FYCO1: variants seen among roughly 807,000 people sequenced by gnomAD.
FYCO1 encodes the protein FYVE and coiled-coil domain-containing protein 1.
In FYCO1, 122 loss-of-function variants were observed where a neutral mutation model predicts 165.1. The ratio of observed to expected loss-of-function variants is 0.74; its 90% confidence interval spans 0.64 to 0.86. FYCO1 has a LOEUF of 0.86. Ranked by LOEUF, FYCO1 falls within the 40% of genes least tolerant of loss-of-function variation. FYCO1 has a pLI of 0.00. For missense variants in FYCO1, 1,702 were observed against 1,810.3 expected, an observed-to-expected ratio of 0.94 and a Z score of 1.09; for synonymous variants, 648 against 742.5, an observed-to-expected ratio of 0.87 and a Z score of 2.07.
Position 45,973,299 on chromosome 3 carries a change from G to T in FYCO1, c.396-68C>A. The T allele has an allele frequency of 1.3e-5, 20 of 1,512,558 alleles. No homozygotes were observed. The South Asian group carries it at 2.0e-4, about 15-fold the overall frequency. The allele number at this position is 1,512,558 out of a possible 1,614,324, so 93.7% of individuals were successfully genotyped here. A position where few individuals can be genotyped will look rare whatever the true frequency, so the allele number is the denominator to read the frequency against. On this transcript the variant is annotated intron_variant, in intron 5 of 17. Coordinates refer to ENST00000296137, the MANE Select transcript of FYCO1 (RefSeq NM_024513.4). ...TATGAATTTACTCAGTCCTCCCACTGTGGCTCTGCCTCATCGAATTCCAAC... is the reference window on the plus strand; with the variant it reads ...TATGAATTTACTCAGTCCTCCCACTTTGGCTCTGCCTCATCGAATTCCAAC...
In FYCO1 at chr3:45,962,332, G is replaced by T. The variant is rs764164884; in HGVS notation, c.3330C>A (p.Cys1110Ter). 2.5e-5 allele frequency: 41 copies of T among 1,613,914 alleles called. No homozygotes were observed. Among genetic ancestry groups the T allele is most frequent in the Middle Eastern group, 3.3e-4 (2 of 6,084 alleles). Reference protein sequence around the residue: ...TKIQEYYNKLCQEVTNRERND... With the variant: ...TKIQEYYNKL ...TCCTCTCACGATTTGTCACCTCCTG[G>T]CAGAGTTTGTTGTAATACTCTTGGA... The change falls in exon 11 of 18, where the codon TGC becomes TGA. Residue 1110 changes from cysteine (C) to a stop codon, truncating the protein, a stop_gained. Transcript: ENST00000296137. LOFTEE classifies it high-confidence loss of function. The surrounding 1 kb of genome is among the most constrained non-coding windows in gnomAD (Gnocchi z 4.4).
At chr3:45,986,986 A>C (rs1166307982) in intron 1 of FYCO1, among the ~76,000 whole-genome samples, 1 of 152,180 alleles carries the variant, frequency 6.6e-6, no homozygotes, top group Non-Finnish European at 1.5e-5. Context: ...GAAAAATATC[A>C]CATATCCAGA....
At chr3:45,952,334 C>T (rs1425352919) in intron 14 of FYCO1, among the ~76,000 whole-genome samples, 2 of 152,112 alleles carry the variant, frequency 1.3e-5, no homozygotes, top group Non-Finnish European at 2.9e-5. Context: ...TTACACAAAT[C>T]TAGGGCTCTA....
intron 14 of FYCO1, among the ~76,000 whole-genome samples, chr3:45,952,591 C>T (rs1402098944): frequency 6.6e-6 from 1 of 152,232 alleles, no homozygotes; most frequent in Non-Finnish European, 1.5e-5. Context: ...AAGACCAGCA[C>T]ACTGGCAGTT....
chr3:45,923,265 T>C (rs772009504), intron 17 of FYCO1, among the ~76,000 whole-genome samples: 3 of 152,228 alleles, frequency 2.0e-5, no homozygotes, highest in Non-Finnish European at 2.9e-5. Flanking sequence ...ATTCAGTCTT[T>C]CCATTGTATT....
intron 4 of FYCO1, among the ~76,000 whole-genome samples, 168 bp downstream of exon 4, chr3:45,979,537 A>G (rs770695426): frequency 3.3e-5 from 5 of 152,134 alleles, no homozygotes; most frequent in African/African-American, 4.8e-5. Context: ...GGTTTCCCCA[A>G]CCTTGAGCCA....
intron 15 of FYCO1, among the ~76,000 whole-genome samples, chr3:45,933,637 G>A (rs896649618): frequency 2.0e-5 from 3 of 152,136 alleles, no homozygotes; most frequent in Admixed American, 6.5e-5. Flanking sequence ...AAAAGTGAAG[G>A]GCAGGAGAAG....
intron 4 of FYCO1, among the ~76,000 whole-genome samples, chr3:45,975,830 G>T (rs1396170717): frequency 2.0e-5 from 3 of 152,196 alleles, no homozygotes; most frequent in Admixed American, 2.0e-4. Flanking sequence ...TTTTTAAGGT[G>T]CGTGGGGAAC....
At chr3:45,928,491 C>T (rs1703429322) in intron 16 of FYCO1, among the ~76,000 whole-genome samples, 1 of 152,232 alleles carries the variant, frequency 6.6e-6, no homozygotes, top group South Asian at 2.1e-4. Flanking sequence ...ACTCTCCAAT[C>T]TCAGTGTCGA....
chr3:45,929,296 C>T (rs1398354600), intron 16 of FYCO1, among the ~76,000 whole-genome samples: 3 of 152,142 alleles, frequency 2.0e-5, no homozygotes, highest in Non-Finnish European at 4.4e-5. Context: ...GAGGAAGGCT[C>T]AGTAGGTCCC....
rs185803022 is a variant in FYCO1 at position 45,962,782 on chromosome 3, G to A, written c.3270-390C>T. ...CAGGACAGAGGTGTAGCTTCCTGGA[G>A]GTGGCCACACAGAGGAGGGCCTGTC... On this transcript the variant is annotated intron_variant, in intron 10 of 17. Coordinates refer to ENST00000296137, the MANE Select transcript of FYCO1 (RefSeq NM_024513.4). The surrounding 1 kb of genome is among the most constrained non-coding windows in gnomAD (Gnocchi z 4.4). Among the ~76,000 whole-genome samples, 6 of 152,288 alleles carry A rather than the reference G, an allele frequency of 3.9e-5. No individual in the cohort carries two copies. The highest frequency in any genetic ancestry group is 1.5e-5 in the Non-Finnish European group (1 of 68,020).
chr3:45,956,588 T>C (rs1467100603), intron 13 of FYCO1, among the ~76,000 whole-genome samples: 1 of 152,064 alleles, frequency 6.6e-6, no homozygotes, highest in Admixed American at 6.5e-5. Flanking sequence ...GTTTCAAGTC[T>C]GTGTAATAGA....
rs1553620269 is a variant in FYCO1, at chr3:45,923,763, G to T, written c.4254C>A (p.Val1418=). The change falls in exon 17 of 18, where the codon GTC becomes GTA. Residue 1418 remains valine, a splice_region_variant and synonymous_variant. Coordinates refer to ENST00000296137, the MANE Select transcript of FYCO1 (RefSeq NM_024513.4). ...AGTTGCATCGGGTCGTGGGAATGAG[G>T]ACCTGGGAGGGAAAGCAGGTAGGCA... ...AEDTPLDQCK[V]LIPTTRCNSH... 1 of 1,611,670 alleles carries T rather than the reference G, an allele frequency of 6.2e-7. No homozygotes were observed. Among genetic ancestry groups the T allele is most frequent in the African/African-American group, 1.3e-5 (1 of 74,870 alleles).
At chr3:45,946,861 G>T in intron 14 of FYCO1, 6 of 1,614,178 alleles carry the variant, frequency 3.7e-6, no homozygotes, top group Non-Finnish European at 5.1e-6. Flanking sequence ...ACTGTGGATC[G>T]TTTCATTGTA....
intron 14 of FYCO1, among the ~76,000 whole-genome samples, chr3:45,943,093 C>T (rs748271575): frequency 1.3e-5 from 2 of 152,162 alleles, no homozygotes; most frequent in Non-Finnish European, 2.9e-5. Flanking sequence ...TGCATATGCA[C>T]GCAGAACCCA....
intron 7 of FYCO1, 50 bp from the exon 8 acceptor site, chr3:45,968,753 G>T: frequency 1.9e-6 from 3 of 1,609,168 alleles, no homozygotes; most frequent in South Asian, 1.1e-5. Context: ...AAGCTACAGG[G>T]CTATTTAGAA....
rs1307201856 is a variant in FYCO1, at chr3:45,968,151, C to T, written c.1183G>A (p.Asp395Asn). 6.2e-7 allele frequency: 1 copy of T among 1,614,148 alleles called. No individual in the cohort carries two copies. The highest frequency in any genetic ancestry group is 8.5e-7 in the Non-Finnish European group (1 of 1,180,032). Reference protein sequence around the residue: ...TKGRQEPIPSDAAQEMQELGE... With the variant: ...TKGRQEPIPSNAAQEMQELGE... ...AGCTCCTGCATCTCCTGGGCCGCAT[C>T]ACTGGGAATAGGTTCTTGCCGGCCC... Residue 395 changes from aspartate (D) to asparagine (N), a missense_variant, in exon 8 of 18, where the codon GAT becomes AAT. Coordinates refer to ENST00000296137, the MANE Select transcript of FYCO1 (RefSeq NM_024513.4).
intron 14 of FYCO1, among the ~76,000 whole-genome samples, chr3:45,940,500 C>G (rs1052093081): frequency 7.9e-5 from 12 of 152,194 alleles, no homozygotes; most frequent in Non-Finnish European, 1.8e-4. Flanking sequence ...TCTGAGCATG[C>G]AGCTCCTCCC....
At chr3:45,950,457 G>A (rs1030241179) in intron 14 of FYCO1, among the ~76,000 whole-genome samples, 2 of 152,120 alleles carry the variant, frequency 1.3e-5, no homozygotes, top group African/African-American at 4.8e-5. Context: ...CTGGACTGAG[G>A]AGATGGTGCC....
Sources: allele counts gnomAD v4.1 joint callset (sites outside exome capture counted in the v4.1 genomes callset), GRCh38; gene constraint gnomAD v4.1.1; non-coding constraint Gnocchi (gnomAD v3.1); transcripts MANE v1.5; gene names NCBI Gene and HGNC (gene_info 2026-07-23, HGNC 2026-07-21).